NRXN3: variants seen among roughly 807,000 people sequenced by gnomAD.
NRXN3 encodes the protein neurexin 3, also known as neurexin III.
NRXN3 carries 32 observed loss-of-function variants against 137.6 expected under a neutral mutation model. The ratio of observed to expected loss-of-function variants is 0.23; its 90% CI spans 0.18 to 0.31. The LOEUF (loss-of-function observed/expected upper bound fraction) is 0.31. Ranked by LOEUF, NRXN3 falls within the 10% of genes least tolerant of loss-of-function variation. The probability of loss-of-function intolerance (pLI) is 1.00; values close to 1 mark genes in which losing one functional copy is unlikely to be tolerated. For synonymous variants in NRXN3, 798 were observed against 784.5 expected, an observed-to-expected ratio of 1.02 and a Z score of -0.29; for missense variants, 1,574 against 2,062.5, an observed-to-expected ratio of 0.76 and a Z score of 4.59.
chr14:79,770,137 AC>A (rs1469138745), intron 19 of NRXN3, among the ~76,000 whole-genome samples: 7 of 151,730 alleles, frequency 4.6e-5, no homozygotes, highest in Non-Finnish European at 7.4e-5. Context: ...GTCCTGAGTG[AC>A]CTACAAAGAG....
intron 15 of NRXN3, among the ~76,000 whole-genome samples, chr14:79,112,656 C>T (rs1399873890): frequency 6.6e-6 from 1 of 152,160 alleles, no homozygotes; most frequent in African/African-American, 2.4e-5. Flanking sequence ...AAAATTTAAA[C>T]AATGTGAAAT....
chr14:79,783,404 GAA>G (rs1020075948), intron 19 of NRXN3, among the ~76,000 whole-genome samples: 4 of 152,142 alleles, frequency 2.6e-5, no homozygotes, highest in African/African-American at 9.6e-5. Context: ...AGCATTTTTA[GAA>G]AAGAGAGAGC....
chr14:79,710,729 G>T (rs756960948), intron 19 of NRXN3, among the ~76,000 whole-genome samples: 14 of 152,270 alleles, frequency 9.2e-5, no homozygotes, highest in Non-Finnish European at 1.3e-4. Context: ...GCCTAGTATG[G>T]GCTAAGTACT....
intron 1 of NRXN3, among the ~76,000 whole-genome samples, chr14:78,191,996 G>A (rs1037360732): frequency 1.3e-5 from 2 of 152,132 alleles, no homozygotes; most frequent in South Asian, 2.1e-4. Context: ...TGGTATTCCT[G>A]TGTGGGGCTG....
chr14:78,379,298 C>T (rs778562145), intron 4 of NRXN3, among the ~76,000 whole-genome samples: 14 of 152,110 alleles, frequency 9.2e-5, no homozygotes, highest in Non-Finnish European at 1.9e-4. Context: ...CAAAACCAGA[C>T]AAAGATAGTA....
intron 1 of NRXN3, among the ~76,000 whole-genome samples, chr14:78,238,351 G>A (rs574992753): frequency 6.6e-6 from 1 of 152,292 alleles, no homozygotes; most frequent in Non-Finnish European, 1.5e-5. Flanking sequence ...CTGCATGCAG[G>A]CTCTGGGGCA....
intron 5 of NRXN3, among the ~76,000 whole-genome samples, chr14:78,649,691 C>T (rs1247573903): frequency 6.6e-6 from 1 of 150,750 alleles, no homozygotes; most frequent in Non-Finnish European, 1.5e-5. Context: ...CTTTCTGTGC[C>T]TTCCTCTCCC....
intron 7 of NRXN3, among the ~76,000 whole-genome samples, chr14:78,713,808 C>T (rs1366414942): frequency 6.6e-6 from 1 of 152,170 alleles, no homozygotes; most frequent in Non-Finnish European, 1.5e-5. Context: ...TGTGAGAACT[C>T]ACTCACTATC....
rs570915495 is a variant in NRXN3 at position 79,621,498 on chromosome 14, T to A, written c.3445-42280T>A. ...GGTTTTCTGTACATATTACATGTTA[T>A]TCTTAGACTTGTGCAATTTGCTAAG... On this transcript the variant is annotated intron_variant, in intron 16 of 20. Transcript: ENST00000335750. Among the ~76,000 whole-genome samples the A allele has an allele frequency of 1.8e-4, 27 of 152,376 alleles. No homozygotes were observed. The South Asian group carries it at 5.6e-3, about 32-fold the overall frequency.
At chr14:79,806,227 A>G (rs1456197620) in intron 20 of NRXN3, among the ~76,000 whole-genome samples, 4 of 152,198 alleles carry the variant, frequency 2.6e-5, no homozygotes, top group African/African-American at 9.6e-5. Context: ...GAAAGCCATT[A>G]AAAATTCTCT....
At chr14:79,812,700 C>G (rs1265274459) in intron 20 of NRXN3, among the ~76,000 whole-genome samples, 2 of 152,040 alleles carry the variant, frequency 1.3e-5, no homozygotes, top group African/African-American at 4.8e-5. Flanking sequence ...AGAAAAAAAG[C>G]AACACTCTTT....
At chr14:78,319,167 G>A (rs933994137) in intron 4 of NRXN3, among the ~76,000 whole-genome samples, 2 of 152,224 alleles carry the variant, frequency 1.3e-5, no homozygotes, top group African/African-American at 4.8e-5. Flanking sequence ...CTCCTTGGAA[G>A]TAGATGGGAG....
chr14:78,737,182 C>T (rs2098544764), intron 8 of NRXN3, among the ~76,000 whole-genome samples: 1 of 152,136 alleles, frequency 6.6e-6, no homozygotes, highest in African/African-American at 2.4e-5. Flanking sequence ...CCTATTTGTT[C>T]CACAAAGGAT....
chr14:79,185,499 A>T (rs1483023268), intron 15 of NRXN3, among the ~76,000 whole-genome samples: 1 of 144,198 alleles, frequency 6.9e-6, no homozygotes, highest in Non-Finnish European at 1.5e-5. Flanking sequence ...GGAGTCTTGC[A>T]CTGTTGCCCA....
intron 10 of NRXN3, among the ~76,000 whole-genome samples, chr14:78,896,914 G>C (rs1419323840): frequency 6.6e-6 from 1 of 151,828 alleles, no homozygotes; most frequent in African/African-American, 2.4e-5. Flanking sequence ...ATTCAATTTG[G>C]TAAGCAGTGG....
chr14:78,617,063 C>T (rs1349849047), intron 4 of NRXN3, among the ~76,000 whole-genome samples: 1 of 152,190 alleles, frequency 6.6e-6, no homozygotes, highest in Non-Finnish European at 1.5e-5. Context: ...TCTCTTGCTA[C>T]TACCAAATTC....
intron 15 of NRXN3, among the ~76,000 whole-genome samples, chr14:79,284,382 A>ATATATATG (rs2081891651): frequency 8.3e-6 from 1 of 120,540 alleles, no homozygotes; most frequent in Non-Finnish European, 1.6e-5. Context: ...ATATATATAT[A>ATATATATG]TATGTATCTC....
rs578141892 is a variant in NRXN3 at position 78,393,525 on chromosome 14, A to G, written c.757+95665A>G. On this transcript the variant is annotated intron_variant, in intron 4 of 20. Coordinates refer to ENST00000335750, the MANE Select transcript of NRXN3 (RefSeq NM_001330195.2). ...TATTTATTACTGTAGCTGTACAGTA[A>G]GTTTTGAAATCATGTAGATTGATTC... 5.3e-4 allele frequency among the ~76,000 whole-genome samples: 80 copies of G among 152,130 alleles called. 1 individual carries two copies. In the South Asian group the frequency reaches 0.016, roughly 31 times the overall value.
intron 14 of NRXN3, among the ~76,000 whole-genome samples, chr14:78,974,923 A>G (rs1377400610): frequency 1.3e-5 from 2 of 152,300 alleles, no homozygotes; most frequent in African/African-American, 4.8e-5. Flanking sequence ...GAAATATAAC[A>G]ATGAGGTGTA....
Sources: allele counts gnomAD v4.1 joint callset (sites outside exome capture counted in the v4.1 genomes callset), GRCh38; gene constraint gnomAD v4.1.1; transcripts MANE v1.5; gene names NCBI Gene and HGNC (gene_info 2026-07-23, HGNC 2026-07-21).